The following FBXO42 variants were observed in gnomAD, a reference collection of about 807,000 sequenced individuals.
FBXO42 encodes F-box only protein 42.
A neutral mutation model predicts 71.7 loss-of-function variants in FBXO42; 12 were observed. The observed-to-expected ratio is 0.17, with a 90% CI of 0.11 to 0.27. The LOEUF (loss-of-function observed/expected upper bound fraction) is 0.27. Ranked by LOEUF, FBXO42 falls within the 10% of genes least tolerant of loss-of-function variation. The pLI is 1.00. For missense variants in FBXO42, 707 were observed against 911.9 expected, an observed-to-expected ratio of 0.78 and a Z score of 2.89; for synonymous variants, 325 against 327.5, an observed-to-expected ratio of 0.99 and a Z score of 0.08.
intron 4 of FBXO42, among the ~76,000 whole-genome samples, chr1:16,259,705 G>T (rs2081686801): frequency 6.6e-6 from 1 of 150,542 alleles, no homozygotes. Flanking sequence ...GGTGGAGGTT[G>T]CAGTGAGCCG....
At chr1:16,286,046 G>C (rs1419500238) in intron 4 of FBXO42, among the ~76,000 whole-genome samples, 1 of 151,634 alleles carries the variant, frequency 6.6e-6, no homozygotes, top group East Asian at 1.9e-4. Context: ...ACCACGCCCA[G>C]CTAATTTTTT....
chr1:16,340,842 G>A (rs938513150), intron 1 of FBXO42, among the ~76,000 whole-genome samples: 2 of 152,164 alleles, frequency 1.3e-5, no homozygotes, highest in East Asian at 3.8e-4. Flanking sequence ...AGGAAAGTGA[G>A]GTCAGAAAAC....
chr1:16,255,560 C>T, intron 6 of FBXO42, 151 bp downstream of exon 6: 1 of 603,454 alleles, frequency 1.7e-6, no homozygotes, highest in South Asian at 2.1e-5. Context: ...GTCACAAACT[C>T]CTGACCTCAG....
chr1:16,294,491 C>A (rs1254706959), intron 4 of FBXO42: 3 of 312,040 alleles, frequency 9.6e-6, no homozygotes, highest in African/African-American at 2.1e-5. Flanking sequence ...CAACCTCCTA[C>A]CAAATGATGT....
intron 4 of FBXO42, among the ~76,000 whole-genome samples, chr1:16,272,222 G>C (rs576690008): frequency 1.4e-3 from 207 of 151,234 alleles, no homozygotes; most frequent in African/African-American, 4.8e-3. Flanking sequence ...ATGAAGTCTG[G>C]CCAGATGTCC....
chr1:16,250,898 C>T lies in FBXO42; in HGVS notation c.1926G>A (p.Lys642=). 1 of 1,614,124 alleles carries T rather than the reference C, an allele frequency of 6.2e-7. No individual in the cohort carries two copies. The highest frequency in any genetic ancestry group is 1.6e-4 in the Middle Eastern group (1 of 6,062). ...TGTCCAGCACGTACATCTGCATGGG[C>T]TTGCAGTTCATACTCTGGTATAGGG... The part of the protein sequence containing the change: ...GKPLYQSMNC[K]PMQMYVLDIK... The change falls in exon 10 of 10, where the codon AAG becomes AAA. Residue 642 remains lysine, a synonymous_variant. Transcript: ENST00000375592. This position sits in a 1 kb window ranked among gnomAD's most constrained non-coding sequence, Gnocchi z 4.7.
At chr1:16,290,505 A>G (rs1569867426) in intron 4 of FBXO42, among the ~76,000 whole-genome samples, 1 of 152,136 alleles carries the variant, frequency 6.6e-6, no homozygotes, top group Non-Finnish European at 1.5e-5. Context: ...CAGCCTGGCC[A>G]ACATGGTGAA....
intron 4 of FBXO42, among the ~76,000 whole-genome samples, chr1:16,277,000 T>G (rs1557580252): frequency 6.6e-6 from 1 of 152,248 alleles, no homozygotes; most frequent in East Asian, 1.9e-4. Flanking sequence ...GGCAGGATTT[T>G]CAACATGGAG....
chr1:16,263,914 G>A (rs111397107), intron 4 of FBXO42, among the ~76,000 whole-genome samples: 1,573 of 149,640 alleles, frequency 0.011, 15 homozygotes, highest in South Asian at 0.045. Context: ...AGGTTCAAGC[G>A]ATTCTCCTGG....
chr1:16,301,670 C>CAAAAAA (rs1242029876), intron 3 of FBXO42, among the ~76,000 whole-genome samples: 1 of 67,382 alleles, frequency 1.5e-5, no homozygotes, highest in Non-Finnish European at 3.1e-5. Context: ...GACCCCATCT[C>CAAAAAA]AAAAAAAAAA....
At chr1:16,311,503 A>AAAAAAT (rs1553153698) in intron 2 of FBXO42, among the ~76,000 whole-genome samples, 3 of 65,562 alleles carry the variant, frequency 4.6e-5, no homozygotes, top group Non-Finnish European at 9.1e-5. Context: ...AAAAAAAAAA[A>AAAAAAT]ATATATATAT....
chr1:16,250,218 G>A lies in FBXO42; in HGVS notation c.*452C>T, dbSNP rs572113156. 6.6e-6 allele frequency: 1 copy of A among 152,350 alleles called. No individual in the cohort carries two copies. Among genetic ancestry groups the A allele is most frequent in the Non-Finnish European group, 1.5e-5 (1 of 68,056 alleles). 9.4% of individuals were successfully genotyped at this position (152,350 alleles called of 1,614,324 possible). On this transcript the variant is annotated 3_prime_UTR_variant, in exon 10 of 10. Transcript: ENST00000375592. The surrounding 1 kb of genome is among the most constrained non-coding windows in gnomAD (Gnocchi z 4.7). ...TACCCCGACAGCACCTGAAGCATGAGAGTCTAAAACCCTCCACCTTTGCAA... is the reference window on the plus strand; with the variant it reads ...TACCCCGACAGCACCTGAAGCATGAAAGTCTAAAACCCTCCACCTTTGCAA...
At chr1:16,254,731 G>A (rs1219996440) in intron 6 of FBXO42, among the ~76,000 whole-genome samples, 2 of 152,140 alleles carry the variant, frequency 1.3e-5, no homozygotes, top group African/African-American at 2.4e-5. Flanking sequence ...AGCACAGGGG[G>A]AATGACCACA....
At chr1:16,294,640 T>C in intron 4 of FBXO42, 143 bp downstream of exon 4, 1 of 780,042 alleles carries the variant, frequency 1.3e-6, no homozygotes, top group Admixed American at 3.1e-5. Context: ...ATATTACTAT[T>C]ATCATTTACA....
At position 16,247,219 on chromosome 1, in the gene FBXO42, G is replaced by A. The variant is rs1281534154; in HGVS notation, c.*3451C>T. 2 of 152,238 alleles carry A rather than the reference G, an allele frequency of 1.3e-5. No individual in the cohort carries two copies. The highest frequency in any genetic ancestry group is 2.9e-5 in the Non-Finnish European group (2 of 68,062). 9.4% of individuals were successfully genotyped at this position (152,238 alleles called of 1,614,324 possible). The stretch of plus-strand genomic sequence containing the variant: ...GAACATGCCTTCTGCAGTTCATGGA[G>A]AGGCTACATGGGACGCAGGCCTGGA... On this transcript the variant is annotated 3_prime_UTR_variant, in exon 10 of 10. Coordinates refer to ENST00000375592, the MANE Select transcript of FBXO42 (RefSeq NM_018994.3).
intron 2 of FBXO42, among the ~76,000 whole-genome samples, chr1:16,307,926 G>C (rs1305981004): frequency 6.6e-6 from 1 of 152,244 alleles, no homozygotes; most frequent in African/African-American, 2.4e-5. Context: ...TGTGAATATC[G>C]ACAAACTGTT....
chr1:16,316,384 G>C (rs1444312167), intron 1 of FBXO42, among the ~76,000 whole-genome samples: 2 of 151,860 alleles, frequency 1.3e-5, no homozygotes, highest in East Asian at 3.9e-4. Flanking sequence ...AGAAACAAAA[G>C]ACATCATTCT....
Position 16,251,675 on chromosome 1 carries a change from A to C in FBXO42, c.1149T>G (p.Val383=). 6.2e-7 allele frequency: 1 copy of C among 1,614,202 alleles called. No individual in the cohort carries two copies. Among genetic ancestry groups the C allele is most frequent in the Non-Finnish European group, 8.5e-7 (1 of 1,180,036 alleles). The change falls in exon 10 of 10, where the codon GTT becomes GTG. Residue 383 remains valine, a synonymous_variant. Transcript: ENST00000375592. This position sits in a 1 kb window ranked among gnomAD's most constrained non-coding sequence, Gnocchi z 4.5. The stretch of plus-strand genomic sequence containing the variant: ...GAGAGCGGTACTCTCGGGTTTCAGG[A>C]ACGAGAGCTGGAGGAGTGGCACTGA... ...SPISATPPAL[V]PETREYRSQS...
chr1:16,325,349 C>T (rs2082440971), intron 1 of FBXO42, among the ~76,000 whole-genome samples: 1 of 152,104 alleles, frequency 6.6e-6, no homozygotes, highest in South Asian at 2.1e-4. Context: ...TTAAATTCTA[C>T]ATTAACGAAG....
Sources: allele counts gnomAD v4.1 joint callset (sites outside exome capture counted in the v4.1 genomes callset), GRCh38; gene constraint gnomAD v4.1.1; non-coding constraint Gnocchi (gnomAD v3.1); transcripts MANE v1.5; gene names NCBI Gene and HGNC (gene_info 2026-07-23, HGNC 2026-07-21).